TRPC6: variants seen among roughly 807,000 people sequenced by gnomAD.
The protein encoded by TRPC6 is short transient receptor potential channel 6.
TRPC6 carries 55 observed loss-of-function variants against 90.7 expected under a neutral mutation model. The observed-to-expected ratio is 0.61, with a 90% CI of 0.49 to 0.76. The LOEUF (loss-of-function observed/expected upper bound fraction) is 0.76. Ranked by LOEUF, TRPC6 falls within the 30% of genes least tolerant of loss-of-function variation. The probability of loss-of-function intolerance (pLI) is 0.00; values close to 1 mark genes in which losing one functional copy is unlikely to be tolerated. For missense variants in TRPC6, 989 were observed against 1,122.7 expected, an observed-to-expected ratio of 0.88 and a Z score of 1.70; for synonymous variants, 393 against 393.0, an observed-to-expected ratio of 1.00 and a Z score of 0.00.
chr11:101,503,217 T>C (rs1158805842), intron 2 of TRPC6, among the ~76,000 whole-genome samples: 3 of 152,180 alleles, frequency 2.0e-5, no homozygotes, highest in Non-Finnish European at 4.4e-5. Flanking sequence ...ACAGCCCTTA[T>C]GGTTAATGGC....
At chr11:101,480,347 A>G (rs556950101) in intron 5 of TRPC6, among the ~76,000 whole-genome samples, 3 of 152,112 alleles carry the variant, frequency 2.0e-5, no homozygotes, top group East Asian at 1.9e-4. Flanking sequence ...TATTCCTTCT[A>G]TATTCTCCCT....
At chr11:101,489,143 A>C in intron 3 of TRPC6, 42 bp from the exon 4 acceptor site, 1 of 1,589,870 alleles carries the variant, frequency 6.3e-7, no homozygotes, top group African/African-American at 1.3e-5. Flanking sequence ...GACTAAAGAA[A>C]GGTTCAGCAT....
chr11:101,467,671 T>G (rs1423386462), intron 10 of TRPC6, among the ~76,000 whole-genome samples: 1 of 152,236 alleles, frequency 6.6e-6, no homozygotes, highest in Admixed American at 6.5e-5. Flanking sequence ...GGTGGTAGGC[T>G]TCTTCTGTAA....
intron 1 of TRPC6, among the ~76,000 whole-genome samples, chr11:101,578,793 T>C (rs1309547450): frequency 1.3e-5 from 2 of 152,164 alleles, no homozygotes; most frequent in African/African-American, 4.8e-5. Flanking sequence ...GGAAAAGCCA[T>C]AGTTCTTACA....
At chr11:101,545,377 G>C (rs1040027470) in intron 1 of TRPC6, among the ~76,000 whole-genome samples, 1 of 152,152 alleles carries the variant, frequency 6.6e-6, no homozygotes, top group African/African-American at 2.4e-5. Context: ...TTTATATCAG[G>C]GACTTAAGCA....
intron 1 of TRPC6, among the ~76,000 whole-genome samples, chr11:101,545,219 A>T (rs996018608): frequency 6.8e-6 from 1 of 146,764 alleles, no homozygotes; most frequent in Non-Finnish European, 1.5e-5. Flanking sequence ...TAAATAAATA[A>T]TAACCATACA....
intron 1 of TRPC6, among the ~76,000 whole-genome samples, chr11:101,555,216 A>G (rs1697167387): frequency 6.6e-6 from 1 of 152,194 alleles, no homozygotes; most frequent in Non-Finnish European, 1.5e-5. Context: ...CCTATTATTC[A>G]AAGGCAGGAT....
intron 3 of TRPC6, among the ~76,000 whole-genome samples, chr11:101,489,715 T>C (rs1327193901): frequency 2.0e-5 from 3 of 151,900 alleles, no homozygotes; most frequent in Non-Finnish European, 2.9e-5. Context: ...AGAGTTAATA[T>C]ACAAAAAGCA....
intron 9 of TRPC6, among the ~76,000 whole-genome samples, chr11:101,469,704 C>T (rs1410362940): frequency 2.0e-5 from 3 of 152,154 alleles, no homozygotes; most frequent in African/African-American, 7.2e-5. Context: ...CTAACCAGAC[C>T]TGTAAACCAC....
In TRPC6 at chr11:101,583,617, C is replaced by G; in HGVS notation, c.-114G>C. 2 of 1,214,244 alleles carry G rather than the reference C, an allele frequency of 1.6e-6. No individual in the cohort carries two copies. Among genetic ancestry groups the G allele is most frequent in the African/African-American group, 3.2e-5 (2 of 62,250 alleles). 75.2% of individuals were successfully genotyped at this position (1,214,244 alleles called of 1,614,324 possible). ...AGCGGCCGAACTGGACCTGGGCAGA[C>G]CGGTGCCCAGGGGACGACGGTGAAG... On this transcript the variant is annotated 5_prime_UTR_variant, in exon 1 of 13. Coordinates refer to ENST00000344327, the MANE Select transcript of TRPC6 (RefSeq NM_004621.6).
intron 1 of TRPC6, among the ~76,000 whole-genome samples, chr11:101,565,062 C>A (rs1861799153): frequency 6.6e-6 from 1 of 152,028 alleles, no homozygotes; most frequent in Non-Finnish European, 1.5e-5. Flanking sequence ...ACACAAAAAT[C>A]AGCTCAAAAT....
At chr11:101,526,622 G>C (rs987050759) in intron 1 of TRPC6, among the ~76,000 whole-genome samples, 1 of 151,898 alleles carries the variant, frequency 6.6e-6, no homozygotes, top group African/African-American at 2.4e-5. Context: ...CAGCACTTTG[G>C]GAGGCCGAGG....
At chr11:101,537,116 A>C (rs1861067709) in intron 1 of TRPC6, among the ~76,000 whole-genome samples, 1 of 152,228 alleles carries the variant, frequency 6.6e-6, no homozygotes, top group Admixed American at 6.5e-5. Flanking sequence ...GGATAAGATA[A>C]TGCAGACTTT....
intron 1 of TRPC6, among the ~76,000 whole-genome samples, chr11:101,517,688 A>T (rs1381616729): frequency 1.3e-5 from 2 of 152,198 alleles, no homozygotes; most frequent in African/African-American, 4.8e-5. Context: ...TAACTGCTTT[A>T]AGTTTTTCTA....
chr11:101,555,423 C>G (rs1861540199), intron 1 of TRPC6, among the ~76,000 whole-genome samples: 1 of 152,146 alleles, frequency 6.6e-6, no homozygotes, highest in South Asian at 2.1e-4. Flanking sequence ...CCTGGGTACT[C>G]AATGTATTTG....
intron 1 of TRPC6, among the ~76,000 whole-genome samples, chr11:101,574,688 T>C (rs901071939): frequency 6.6e-6 from 1 of 151,766 alleles, no homozygotes; most frequent in Non-Finnish European, 1.5e-5. Context: ...TTATAGCTGC[T>C]TCTGCCACCC....
chr11:101,462,595 G>A (rs933878437), intron 10 of TRPC6, among the ~76,000 whole-genome samples: 1 of 152,124 alleles, frequency 6.6e-6, no homozygotes. Flanking sequence ...GTTCACTCAT[G>A]ATTTGGCTCT....
At position 101,472,294 on chromosome 11, in the gene TRPC6, A is replaced by T; in HGVS notation, c.2048T>A (p.Phe683Tyr). 6.2e-7 allele frequency: 1 copy of T among 1,613,200 alleles called. No individual in the cohort carries two copies. Among genetic ancestry groups the T allele is most frequent in the Non-Finnish European group, 8.5e-7 (1 of 1,179,528 alleles). The change falls in exon 8 of 13, where the codon TTT (phenylalanine) becomes TAT (tyrosine). Residue 683 changes from phenylalanine (F) to tyrosine (Y), a missense_variant. Coordinates refer to ENST00000344327, the MANE Select transcript of TRPC6 (RefSeq NM_004621.6). ...CACTGATTTCACTTCAGAAAGTCCA[A>T]ATATAGCCCAGAACAGTGTCTTAAA... Reference protein sequence around the residue: ...ESFKTLFWAIFGLSEVKSVVI... With the variant: ...ESFKTLFWAIYGLSEVKSVVI...
intron 1 of TRPC6, among the ~76,000 whole-genome samples, chr11:101,517,595 C>T (rs1488525385): frequency 6.6e-6 from 1 of 152,100 alleles, no homozygotes; most frequent in Non-Finnish European, 1.5e-5. Flanking sequence ...TCCACTTTAC[C>T]CACCAAAGTA....
Sources: allele counts gnomAD v4.1 joint callset (sites outside exome capture counted in the v4.1 genomes callset), GRCh38; gene constraint gnomAD v4.1.1; transcripts MANE v1.5; gene names NCBI Gene and HGNC (gene_info 2026-07-23, HGNC 2026-07-21).